Variants in ZNF804A observed in about 807,000 individuals in gnomAD.
ZNF804A encodes the protein zinc finger protein 804A.
ZNF804A carries 2 observed loss-of-function variants against 16.5 expected under a neutral mutation model. That is an observed-to-expected ratio of 0.12 (90% CI 0.05 to 0.38). The LOEUF is 0.38. Among genes scored for constraint, ZNF804A ranks in the 10% least tolerant of loss-of-function variants. ZNF804A has a pLI of 0.99. For synonymous variants in ZNF804A, 534 were observed against 489.6 expected (o/e 1.09, Z -1.20); for missense variants, 1,473 against 1,390.7 (o/e 1.06, Z -0.94).
At chr2:184,833,553 A>G (rs1695298178) in intron 1 of ZNF804A, among the ~76,000 whole-genome samples, 1 of 152,106 alleles carries the variant, frequency 6.6e-6, no homozygotes, top group African/African-American at 2.4e-5. Context: ...ACTTGTTACC[A>G]TGCTTAACAT....
intron 1 of ZNF804A, among the ~76,000 whole-genome samples, chr2:184,826,346 T>A (rs546065830): frequency 6.6e-6 from 1 of 152,284 alleles, no homozygotes; most frequent in South Asian, 2.1e-4. Flanking sequence ...CCTACTATCT[T>A]ATGAGGAAAT....
chr2:184,829,475 A>G (rs1695223960), intron 1 of ZNF804A, among the ~76,000 whole-genome samples: 1 of 151,994 alleles, frequency 6.6e-6, no homozygotes, highest in Non-Finnish European at 1.5e-5. Flanking sequence ...TGTATATGTT[A>G]GAGGGCATTT....
chr2:184,645,160 A>G (rs942244993), intron 1 of ZNF804A, among the ~76,000 whole-genome samples: 4 of 152,126 alleles, frequency 2.6e-5, no homozygotes, highest in Admixed American at 1.3e-4. Context: ...ATTAATGATG[A>G]GAAGTAACAC....
chr2:184,663,408 G>T (rs887187742), intron 1 of ZNF804A, among the ~76,000 whole-genome samples: 6 of 152,142 alleles, frequency 3.9e-5, no homozygotes, highest in Admixed American at 3.3e-4. Context: ...TTTGGGCACT[G>T]TGCATGGGAG....
In ZNF804A at chr2:184,937,695, A is replaced by G; in HGVS notation, c.2299A>G (p.Arg767Gly). The stretch of plus-strand genomic sequence containing the variant: ...CAATTCTGTCATGAATGAATCAGAA[A>G]GATTCTATCGAAAACGTAGACAACA... ...GYNSVMNESE[R>G]FYRKRRQHSH... The change falls in exon 4 of 4, where the codon AGA becomes GGA. Residue 767 changes from arginine (R) to glycine (G), a missense_variant. Transcript: ENST00000302277. 1 of 1,614,090 alleles carries G rather than the reference A, an allele frequency of 6.2e-7. No individual in the cohort carries two copies. The highest frequency in any genetic ancestry group is 8.5e-7 in the Non-Finnish European group (1 of 1,179,984).
intron 1 of ZNF804A, among the ~76,000 whole-genome samples, chr2:184,613,268 C>T (rs935781146): frequency 1.3e-5 from 2 of 152,190 alleles, no homozygotes; most frequent in Admixed American, 6.5e-5. Flanking sequence ...CTCTCTTTCT[C>T]GCTCTCTGCC....
chr2:184,660,735 C>T (rs937258225), intron 1 of ZNF804A, among the ~76,000 whole-genome samples: 1 of 152,214 alleles, frequency 6.6e-6, no homozygotes, highest in African/African-American at 2.4e-5. Flanking sequence ...GGAATTGCTA[C>T]ACTTGGGATA....
At chr2:184,627,693 G>A (rs749040969) in intron 1 of ZNF804A, among the ~76,000 whole-genome samples, 1 of 152,162 alleles carries the variant, frequency 6.6e-6, no homozygotes, top group Admixed American at 6.5e-5. Context: ...TGAGCATTGT[G>A]AATTCAAAAT....
At chr2:184,763,368 G>C (rs1694068658) in intron 1 of ZNF804A, among the ~76,000 whole-genome samples, 1 of 152,058 alleles carries the variant, frequency 6.6e-6, no homozygotes, top group East Asian at 1.9e-4. Flanking sequence ...CATATGATGA[G>C]AGAAGCAGAG....
At chr2:184,766,559 A>T (rs1394423327) in intron 1 of ZNF804A, among the ~76,000 whole-genome samples, 1 of 151,500 alleles carries the variant, frequency 6.6e-6, no homozygotes, top group East Asian at 1.9e-4. Flanking sequence ...CCAACAAAAT[A>T]TCTGTTCTGT....
At chr2:184,653,547 C>A (rs777940044) in intron 1 of ZNF804A, among the ~76,000 whole-genome samples, 1 of 152,148 alleles carries the variant, frequency 6.6e-6, no homozygotes, top group Admixed American at 6.5e-5. Context: ...TTGGGAGACC[C>A]AACTGGACAT....
intron 1 of ZNF804A, among the ~76,000 whole-genome samples, chr2:184,777,214 T>G (rs1694302770): frequency 6.6e-6 from 1 of 151,624 alleles, no homozygotes; most frequent in Admixed American, 6.6e-5. Flanking sequence ...TTTCTTCAGT[T>G]ACCCACTCAC....
intron 1 of ZNF804A, among the ~76,000 whole-genome samples, chr2:184,811,812 ATTTT>A (rs1328569771): frequency 3.9e-5 from 6 of 152,236 alleles, no homozygotes; most frequent in Admixed American, 3.9e-4. Context: ...CTTAATTAAT[ATTTT>A]AACATTTCAA....
At chr2:184,636,774 G>A (rs1691707014) in intron 1 of ZNF804A, among the ~76,000 whole-genome samples, 1 of 151,940 alleles carries the variant, frequency 6.6e-6, no homozygotes, top group Non-Finnish European at 1.5e-5. Flanking sequence ...AGAGATTATA[G>A]TTTACATTAT....
chr2:184,804,391 G>A (rs1694771160), intron 1 of ZNF804A, among the ~76,000 whole-genome samples: 1 of 152,166 alleles, frequency 6.6e-6, no homozygotes, highest in African/African-American at 2.4e-5. Context: ...GGCAAATTGT[G>A]TCCGGATGTA....
chr2:184,702,760 G>C lies in ZNF804A; in HGVS notation c.111+103690G>C, dbSNP rs571048616. Among the ~76,000 whole-genome samples, 11 of 152,228 alleles carry C rather than the reference G, an allele frequency of 7.2e-5. 1 individual carries two copies. The South Asian group carries it at 2.3e-3, about 32-fold the overall frequency. ...AAGCAGCAATTTACAGTTAATATTTGAGTTACAATTATGTGACATTTTTTA... is the reference window on the plus strand; with the variant it reads ...AAGCAGCAATTTACAGTTAATATTTCAGTTACAATTATGTGACATTTTTTA... On this transcript the variant is annotated intron_variant, in intron 1 of 3. Coordinates refer to ENST00000302277, the MANE Select transcript of ZNF804A (RefSeq NM_194250.2).
intron 1 of ZNF804A, among the ~76,000 whole-genome samples, chr2:184,799,134 G>A (rs1694683098): frequency 1.3e-5 from 2 of 152,080 alleles, no homozygotes; most frequent in South Asian, 2.1e-4. Flanking sequence ...CCCAGGTCCT[G>A]GAGGAGCACT....
rs1464201470 is a variant in ZNF804A at position 184,866,402 on chromosome 2, G to T, written c.145G>T (p.Ala49Ser). 1 of 1,613,204 alleles carries T rather than the reference G, an allele frequency of 6.2e-7. No homozygotes were observed. The highest frequency in any genetic ancestry group is 8.5e-7 in the Non-Finnish European group (1 of 1,179,518). Residue 49 changes from alanine (A) to serine (S), a missense_variant, in exon 2 of 4, where the codon GCT (alanine) becomes TCT (serine). Physicochemically the swap from Ala to Ser is moderately conservative, Grantham distance 99. Coordinates refer to ENST00000302277, the MANE Select transcript of ZNF804A (RefSeq NM_194250.2). ...TGAGAAGGAAAATACCATAGCAAAA[G>T]CTCTGGAAGATCTGAAGGCAAATTT... ...YAEKENTIAKALEDLKANFYC... is the reference protein window; with the variant it reads ...YAEKENTIAKSLEDLKANFYC...
At chr2:184,849,277 T>C (rs1398230649) in intron 1 of ZNF804A, among the ~76,000 whole-genome samples, 1 of 151,990 alleles carries the variant, frequency 6.6e-6, no homozygotes, top group Admixed American at 6.6e-5. Flanking sequence ...CCATGAGTTA[T>C]AGTAGCCCCT....
Sources: allele counts gnomAD v4.1 joint callset (sites outside exome capture counted in the v4.1 genomes callset), GRCh38; gene constraint gnomAD v4.1.1; transcripts MANE v1.5; gene names NCBI Gene and HGNC (gene_info 2026-07-23, HGNC 2026-07-21).